Variants in ATRNL1 observed in about 807,000 individuals in gnomAD.
ATRNL1 encodes the protein attractin-like protein 1.
A neutral mutation model predicts 182.7 loss-of-function variants in ATRNL1; 95 were observed. The ratio of observed to expected loss-of-function variants is 0.52; its 90% CI spans 0.44 to 0.62. The LOEUF (loss-of-function observed/expected upper bound fraction) is 0.62. Ranked by LOEUF, ATRNL1 falls within the 20% of genes least tolerant of loss-of-function variation. The probability of loss-of-function intolerance (pLI) is 0.00; values close to 1 mark genes in which losing one functional copy is unlikely to be tolerated. For synonymous variants in ATRNL1, 576 were observed against 568.3 expected, an observed-to-expected ratio of 1.01 and a Z score of -0.19; for missense variants, 1,471 against 1,679.5, an observed-to-expected ratio of 0.88 and a Z score of 2.17.
chr10:115,621,276 T>TATATATATATATATAGAGAG (rs1268020830), intron 26 of ATRNL1, among the ~76,000 whole-genome samples: 13 of 47,576 alleles, frequency 2.7e-4, no homozygotes, highest in Non-Finnish European at 3.8e-4. Flanking sequence ...TATATATATA[T>TATATATATATATATAGAGAG]AGAGAGAGAG....
At chr10:115,448,854 CCAACAACAACAA>C (rs3981286) in intron 21 of ATRNL1, among the ~76,000 whole-genome samples, 9 of 150,104 alleles carry the variant, frequency 6.0e-5, no homozygotes, top group Non-Finnish European at 7.4e-5. Context: ...AGCGTGCCAA[CCAACAACAACAA>C]CAACAACAAC....
Position 115,193,581 on chromosome 10 carries a change from T to A in ATRNL1, c.1349-22116T>A, listed in dbSNP as rs145824546. Among the ~76,000 whole-genome samples the A allele has an allele frequency of 4.9e-3, 739 of 152,046 alleles. 4 individuals carry two copies. Among genetic ancestry groups the A allele is most frequent in the African/African-American group, 0.016 (652 of 41,552 alleles). The stretch of plus-strand genomic sequence containing the variant: ...GTAATGTCTCCTTTTTCATCTCTGA[T>A]TTTATTTATTTAGGTCTTCTTTCTT... On this transcript the variant is annotated intron_variant, in intron 8 of 28. Transcript: ENST00000355044.
chr10:115,564,149 T>A (rs1001821631), intron 26 of ATRNL1, among the ~76,000 whole-genome samples: 27 of 152,094 alleles, frequency 1.8e-4, no homozygotes, highest in African/African-American at 6.3e-4. Flanking sequence ...TTCACTGAAA[T>A]GATTCATGTA....
intron 27 of ATRNL1, among the ~76,000 whole-genome samples, chr10:115,823,767 G>A (rs542858480): frequency 5.6e-4 from 85 of 152,110 alleles, no homozygotes; most frequent in Non-Finnish European, 1.2e-3. Flanking sequence ...ACTGCTCAAG[G>A]AAATAAGAGA....
chr10:115,639,796 G>A (rs79705086), intron 26 of ATRNL1, among the ~76,000 whole-genome samples: 1 of 149,012 alleles, frequency 6.7e-6, no homozygotes, highest in Admixed American at 6.7e-5. Flanking sequence ...AAAATGAGGG[G>A]TTTTTTTTTC....
intron 26 of ATRNL1, among the ~76,000 whole-genome samples, chr10:115,581,605 A>G (rs1855087847): frequency 6.6e-6 from 1 of 152,138 alleles, no homozygotes; most frequent in Non-Finnish European, 1.5e-5. Context: ...ATGTATAATA[A>G]TTTCAAACTA....
At chr10:115,143,446 A>G (rs895324098) in intron 5 of ATRNL1, among the ~76,000 whole-genome samples, 4 of 151,374 alleles carry the variant, frequency 2.6e-5, no homozygotes, top group African/African-American at 9.7e-5. Context: ...TGCCCTGTCC[A>G]TACTCTTAAC....
At chr10:115,332,440 T>C (rs1855271977) in intron 18 of ATRNL1, among the ~76,000 whole-genome samples, 1 of 152,242 alleles carries the variant, frequency 6.6e-6, no homozygotes, top group Non-Finnish European at 1.5e-5. Flanking sequence ...TTTGCTCTGC[T>C]TCCTTGAATT....
At chr10:115,252,220 G>T (rs1043831418) in intron 10 of ATRNL1, among the ~76,000 whole-genome samples, 1 of 152,050 alleles carries the variant, frequency 6.6e-6, no homozygotes, top group African/African-American at 2.4e-5. Context: ...TAGAGACGGG[G>T]GTTTCACTAT....
chr10:115,813,154 A>G (rs1565401358), intron 27 of ATRNL1, among the ~76,000 whole-genome samples: 1 of 152,156 alleles, frequency 6.6e-6, no homozygotes. Flanking sequence ...TAATAGGTAC[A>G]GCACAACAAC....
intron 27 of ATRNL1, among the ~76,000 whole-genome samples, chr10:115,808,928 G>C (rs1352400302): frequency 6.6e-6 from 1 of 152,050 alleles, no homozygotes; most frequent in Non-Finnish European, 1.5e-5. Context: ...AAGGTAACAA[G>C]GATTTTCTTA....
At chr10:115,282,606 A>T (rs1225796735) in intron 14 of ATRNL1, among the ~76,000 whole-genome samples, 1 of 152,194 alleles carries the variant, frequency 6.6e-6, no homozygotes, top group Non-Finnish European at 1.5e-5. Context: ...TTTGAAATAT[A>T]AAAGATAAAA....
chr10:115,255,781 A>G (rs1479587546), intron 10 of ATRNL1, among the ~76,000 whole-genome samples: 1 of 152,154 alleles, frequency 6.6e-6, no homozygotes, highest in Non-Finnish European at 1.5e-5. Flanking sequence ...GGTTTTTCAT[A>G]AATAGCTCTT....
chr10:115,577,075 C>T (rs1258587256), intron 26 of ATRNL1, among the ~76,000 whole-genome samples: 6 of 151,330 alleles, frequency 4.0e-5, no homozygotes, highest in Non-Finnish European at 5.9e-5. Context: ...GCTCTCTTTT[C>T]GGTTCTATTG....
intron 26 of ATRNL1, among the ~76,000 whole-genome samples, chr10:115,672,534 G>C (rs2133931326): frequency 1.3e-5 from 2 of 152,154 alleles, no homozygotes; most frequent in Admixed American, 1.3e-4. Context: ...AAATGATTAA[G>C]AGGATAAAAA....
At chr10:115,127,914 C>G (rs1189102689) in intron 4 of ATRNL1, among the ~76,000 whole-genome samples, 193 bp downstream of exon 4, 3 of 152,052 alleles carry the variant, frequency 2.0e-5, no homozygotes, top group Non-Finnish European at 1.5e-5. Flanking sequence ...TGATCTAAAC[C>G]TATAAGTTTG....
At chr10:115,418,126 A>T (rs1554961225) in intron 20 of ATRNL1, among the ~76,000 whole-genome samples, 1 of 152,200 alleles carries the variant, frequency 6.6e-6, no homozygotes, top group African/African-American at 2.4e-5. Context: ...TCAGACAAAG[A>T]ATTCAAAATA....
chr10:115,528,964 G>C (rs1325558479), intron 25 of ATRNL1, among the ~76,000 whole-genome samples: 1 of 151,982 alleles, frequency 6.6e-6, no homozygotes, highest in Non-Finnish European at 1.5e-5. Context: ...TTATCCCACT[G>C]TGGGTGGTGA....
intron 1 of ATRNL1, among the ~76,000 whole-genome samples, chr10:115,115,318 C>T (rs776720115): frequency 3.1e-4 from 47 of 152,066 alleles, no homozygotes; most frequent in South Asian, 2.1e-4. Flanking sequence ...ATTTCGTTGG[C>T]GTTCTATTGT....
Sources: gnomAD v4.1 joint callset for allele counts (sites outside exome capture counted in the v4.1 genomes callset) on GRCh38, gnomAD v4.1.1 for gene constraint, MANE v1.5 for transcripts, NCBI Gene and HGNC (gene_info 2026-07-23, HGNC 2026-07-21) for gene names.